PIK3C2G: variants seen among roughly 807,000 people sequenced by gnomAD.
PIK3C2G encodes phosphatidylinositol-4-phosphate 3-kinase catalytic subunit type 2 gamma.
A neutral mutation model predicts 181.1 loss-of-function variants in PIK3C2G; 168 were observed. The ratio of observed to expected loss-of-function variants is 0.93; its 90% confidence interval spans 0.82 to 1.05. PIK3C2G has a LOEUF of 1.05. PIK3C2G is among the 50% of genes least tolerant of loss of function. PIK3C2G has a pLI of 0.00. For missense variants in PIK3C2G, 1,869 were observed against 1,732.8 expected (o/e 1.08, Z -1.40); for synonymous variants, 573 against 592.2 (o/e 0.97, Z 0.47).
chr12:18,659,313 A>G, the PIK3C2G span, among the ~76,000 whole-genome samples: 2 of 152,286 alleles, frequency 1.3e-5, no homozygotes, highest in Admixed American at 6.6e-5. Context: ...TGAGAAAACA[A>G]AAGTAGTCAG....
At position 18,563,504 on chromosome 12, in the gene PIK3C2G, G is replaced by T. The variant is rs755641792; in HGVS notation, c.3902+6G>T. On this transcript the variant is annotated splice_donor_region_variant and intron_variant, in intron 28 of 32. Transcript: ENST00000538779. ...GCATCACTGACTCTCCCAGAGTAAG[G>T]CACTGTCCTTTTACATTGTTTTGCC... is the stretch of plus-strand genomic sequence containing the variant. 2 of 1,613,256 alleles carry T rather than the reference G, an allele frequency of 1.2e-6. No individual in the cohort carries two copies. Among genetic ancestry groups the T allele is most frequent in the African/African-American group, 1.3e-5 (1 of 75,000 alleles).
chr12:18,489,222 A>C (rs2136055121), intron 19 of PIK3C2G, among the ~76,000 whole-genome samples: 1 of 152,196 alleles, frequency 6.6e-6, no homozygotes, highest in African/African-American at 2.4e-5. Context: ...TACACCATTA[A>C]GTAGTTTCTC....
At chr12:18,558,278 A>G (rs79219420) in intron 26 of PIK3C2G, among the ~76,000 whole-genome samples, 5,640 of 152,254 alleles carry the variant, frequency 0.037, 214 homozygotes, top group African/African-American at 0.099. Context: ...AAAAATTGTT[A>G]CATTAAACAT....
At chr12:18,723,132 A>G in the PIK3C2G span, among the ~76,000 whole-genome samples, 1 of 152,218 alleles carries the variant, frequency 6.6e-6, no homozygotes, top group South Asian at 2.1e-4. Context: ...TGCATACTAT[A>G]GCATTCTAAA....
chr12:18,541,506 T>C (rs1015118399), intron 25 of PIK3C2G, among the ~76,000 whole-genome samples: 2 of 151,900 alleles, frequency 1.3e-5, no homozygotes, highest in African/African-American at 4.8e-5. Context: ...GTTTAAAATG[T>C]TTATCACACC....
intron 12 of PIK3C2G, 143 bp downstream of exon 12, chr12:18,363,029 C>A: frequency 1.8e-6 from 1 of 551,220 alleles, no homozygotes; most frequent in Non-Finnish European, 3.1e-6. Context: ...TACACTAGGG[C>A]TAATAGATAA....
rs1416414723 is a variant in PIK3C2G at position 18,381,793 on chromosome 12, C to T, written c.1908C>T (p.Phe636=). ...KEKSILGSML[F]SMTLQSEPPV... is the part of the protein sequence containing the mutation. ...AATCCATTCTCGGGTCTATGCTGTT[C>T]AGCATGACATTACAGAGTGAGCCTC... Residue 636 remains phenylalanine, a synonymous_variant, in exon 14 of 33, where the codon TTC becomes TTT. Transcript: ENST00000538779. The T allele has an allele frequency of 1.2e-6, 2 of 1,612,890 alleles. No individual in the cohort carries two copies. Among genetic ancestry groups the T allele is most frequent in the Non-Finnish European group, 1.7e-6 (2 of 1,178,936 alleles).
At chr12:18,591,558 A>G (rs1048073275) in intron 29 of PIK3C2G, among the ~76,000 whole-genome samples, 3 of 151,854 alleles carry the variant, frequency 2.0e-5, no homozygotes, top group Non-Finnish European at 4.4e-5. Flanking sequence ...AGACCATGAC[A>G]CATTTGAGAA....
chr12:18,576,116 T>C (rs1333911991), intron 29 of PIK3C2G, among the ~76,000 whole-genome samples: 1 of 152,234 alleles, frequency 6.6e-6, no homozygotes, highest in Non-Finnish European at 1.5e-5. Context: ...ACACACATTT[T>C]AAAACTTGCA....
intron 1 of PIK3C2G, among the ~76,000 whole-genome samples, chr12:18,255,248 T>C (rs146188281): frequency 1.4e-4 from 19 of 135,766 alleles, no homozygotes; most frequent in South Asian, 9.3e-4. Context: ...AATAAATAAA[T>C]AAATAAACAA....
chr12:18,522,615 G>A (rs1023378739), intron 24 of PIK3C2G, among the ~76,000 whole-genome samples: 1 of 150,736 alleles, frequency 6.6e-6, no homozygotes, highest in African/African-American at 2.4e-5. Context: ...AGTCATATTT[G>A]TAGTCCATTG....
chr12:18,608,394 C>G (rs1477720613), intron 30 of PIK3C2G, among the ~76,000 whole-genome samples: 1 of 152,102 alleles, frequency 6.6e-6, no homozygotes, highest in Non-Finnish European at 1.5e-5. Context: ...ATGATGAGTT[C>G]ATATCCTTTG....
At position 18,594,530 on chromosome 12, in the gene PIK3C2G, G is replaced by C; in HGVS notation, c.4048G>C (p.Val1350Leu). The change falls in exon 30 of 33, where the codon GTG (valine) becomes CTG (leucine). Residue 1350 changes from valine (V) to leucine (L), a missense_variant. By Grantham distance (32) the Val-to-Leu change is conservative. Transcript: ENST00000538779. ...ACTTAGCTTTTTCCTCTCTGAGGCTGTGCAACAAACAGTTGAAGAATCATC... is the reference window on the plus strand; with the variant it reads ...ACTTAGCTTTTTCCTCTCTGAGGCTCTGCAACAAACAGTTGAAGAATCATC... Reference protein sequence around the residue: ...CVLSFFLSEAVQQTVEESSPV... With the variant: ...CVLSFFLSEALQQTVEESSPV... 6.4e-7 allele frequency: 1 copy of C among 1,555,438 alleles called. No homozygotes were observed. Among genetic ancestry groups the C allele is most frequent in the Non-Finnish European group, 8.6e-7 (1 of 1,156,528 alleles).
At chr12:18,658,862 G>A in the PIK3C2G span, among the ~76,000 whole-genome samples, 1 of 152,088 alleles carries the variant, frequency 6.6e-6, no homozygotes, top group Non-Finnish European at 1.5e-5. Flanking sequence ...TATTCTATTT[G>A]AATGGAAAAA....
In PIK3C2G at chr12:18,549,367, T is replaced by C. The variant is rs906229548; in HGVS notation, c.3590+2935T>C. 3.3e-5 allele frequency among the ~76,000 whole-genome samples: 5 copies of C among 152,074 alleles called. No homozygotes were observed. In the East Asian group the frequency reaches 9.7e-4, roughly 29 times the overall value. On this transcript the variant is annotated intron_variant, in intron 26 of 32. Transcript: ENST00000538779. ...CAATTTAAACATCAAATATCAAGTA[T>C]ATAAAAAGCATATAATAATAACTAC...
At chr12:18,389,411 A>C (rs1463097826) in intron 14 of PIK3C2G, among the ~76,000 whole-genome samples, 7 of 151,984 alleles carry the variant, frequency 4.6e-5, no homozygotes. Context: ...CAGCCATAGA[A>C]GGAGAAAGAA....
At chr12:18,713,689 G>A in the PIK3C2G span, 11 of 152,156 alleles carry the variant, frequency 7.2e-5, no homozygotes, top group Non-Finnish European at 1.3e-4. Flanking sequence ...GCTCATCTCT[G>A]TCTATTCGAC....
At chr12:18,535,675 C>T (rs1199276087) in intron 24 of PIK3C2G, among the ~76,000 whole-genome samples, 1 of 152,060 alleles carries the variant, frequency 6.6e-6, no homozygotes, top group East Asian at 1.9e-4. Flanking sequence ...CGAAGTTCTA[C>T]TTGATATAGT....
chr12:18,607,054 C>A, intron 30 of PIK3C2G: 1 of 369,146 alleles, frequency 2.7e-6, no homozygotes, highest in East Asian at 7.2e-5. Flanking sequence ...GATTGTAATC[C>A]CCTAAACAAA....
Sources: allele counts gnomAD v4.1 joint callset (sites outside exome capture counted in the v4.1 genomes callset), GRCh38; gene constraint gnomAD v4.1.1; transcripts MANE v1.5; gene names NCBI Gene and HGNC (gene_info 2026-07-23, HGNC 2026-07-21).